The following FGF5 variants were observed in gnomAD, a reference collection of about 807,000 sequenced individuals.
FGF5 encodes the protein fibroblast growth factor 5.
A neutral mutation model predicts 21.8 loss-of-function variants in FGF5; 23 were observed. That is an observed-to-expected ratio of 1.05 (90% CI 0.76 to 1.49). The LOEUF is 1.49. Ranked by LOEUF, FGF5 falls within the 40% of genes most tolerant of loss-of-function variation. The pLI is 0.00. For missense variants in FGF5, 352 were observed against 332.9 expected (o/e 1.06, Z -0.45); for synonymous variants, 158 against 124.0 (o/e 1.27, Z -1.82).
intron 1 of FGF5, among the ~76,000 whole-genome samples, chr4:80,270,762 T>C (rs1720248895): frequency 6.6e-6 from 1 of 152,230 alleles, no homozygotes; most frequent in Admixed American, 6.5e-5. Flanking sequence ...AGTTTAAGGC[T>C]TTGTCAAAGC....
At position 80,290,312 on chromosome 4, in the gene FGF5, C is replaced by T. The variant is rs1300279419; in HGVS notation, c.*3640C>T. ...AATTTTTTAAAAGTTTTGAAGGAAACCTCTGGATAAATGGACAAGGCCTAA... is the reference window on the plus strand; with the variant it reads ...AATTTTTTAAAAGTTTTGAAGGAAATCTCTGGATAAATGGACAAGGCCTAA... On this transcript the variant is annotated 3_prime_UTR_variant, in exon 3 of 3. Coordinates refer to ENST00000312465, the MANE Select transcript of FGF5 (RefSeq NM_004464.4). The T allele has an allele frequency of 6.6e-6, 1 of 151,964 alleles. No homozygotes were observed. The highest frequency in any genetic ancestry group is 2.4e-5 in the African/African-American group (1 of 41,370). The allele number at this position is 151,964 out of a possible 1,614,324, so 9.4% of individuals were successfully genotyped here. A position where few individuals can be genotyped will look rare whatever the true frequency, so the allele number is the denominator to read the frequency against.
chr4:80,267,524 T>C (rs1222282044), intron 1 of FGF5, among the ~76,000 whole-genome samples: 1 of 152,170 alleles, frequency 6.6e-6, no homozygotes, highest in Non-Finnish European at 1.5e-5. Flanking sequence ...CTCAATTTGT[T>C]TACCTTCTGC....
chr4:80,267,126 T>C lies in FGF5; in HGVS notation c.302T>C (p.Leu101Pro), dbSNP rs1361221330. The C allele has an allele frequency of 1.2e-6, 2 of 1,613,482 alleles. No individual in the cohort carries two copies. Among genetic ancestry groups the C allele is most frequent in the Non-Finnish European group, 1.7e-6 (2 of 1,179,806 alleles). Reference protein sequence around the residue: ...LYCRVGIGFHLQIYPDGKVNG... With the variant: ...LYCRVGIGFHPQIYPDGKVNG... ...TGCAGAGTGGGCATCGGTTTCCATC[T>C]GCAGATCTACCCGGATGGCAAAGTC... is the stretch of plus-strand genomic sequence containing the variant. Residue 101 changes from leucine (L) to proline (P), a missense_variant, in exon 1 of 3, where the codon CTG (leucine) becomes CCG (proline). By Grantham distance (98) the Leu-to-Pro change is moderately conservative (BLOSUM62 -3). Coordinates refer to ENST00000312465, the MANE Select transcript of FGF5 (RefSeq NM_004464.4).
chr4:80,278,410 C>T (rs1282397782), intron 2 of FGF5, among the ~76,000 whole-genome samples: 1 of 152,022 alleles, frequency 6.6e-6, no homozygotes, highest in Admixed American at 6.6e-5. Flanking sequence ...CAGTACTTTA[C>T]TTTAGAATCT....
chr4:80,274,438 TA>T (rs1292235254), intron 1 of FGF5, among the ~76,000 whole-genome samples: 1 of 151,940 alleles, frequency 6.6e-6, no homozygotes, highest in African/African-American at 2.4e-5. Flanking sequence ...ATAATTAGAG[TA>T]GAGGAATTTA....
intron 2 of FGF5, among the ~76,000 whole-genome samples, chr4:80,285,660 T>C (rs1445711782): frequency 6.6e-6 from 1 of 152,224 alleles, no homozygotes; most frequent in Non-Finnish European, 1.5e-5. Flanking sequence ...TTTGTGTGTG[T>C]GTAAGATCTG....
chr4:80,268,450 G>A (rs528469729), intron 1 of FGF5: 88 of 985,002 alleles, frequency 8.9e-5, no homozygotes, highest in Non-Finnish European at 1.0e-4. Context: ...TCAGACCAAA[G>A]ACTCCACGGG....
At position 80,290,535 on chromosome 4, in the gene FGF5, T is replaced by C. The variant is rs1435664694; in HGVS notation, c.*3863T>C. 2 of 152,088 alleles carry C rather than the reference T, an allele frequency of 1.3e-5. No homozygotes were observed. Among genetic ancestry groups the C allele is most frequent in the African/African-American group, 4.8e-5 (2 of 41,428 alleles). The allele number at this position is 152,088 out of a possible 1,614,324, so 9.4% of individuals were successfully genotyped here. On this transcript the variant is annotated 3_prime_UTR_variant, in exon 3 of 3. Coordinates refer to ENST00000312465, the MANE Select transcript of FGF5 (RefSeq NM_004464.4). ...GCATCTTTACATCTAAGAATTTTTT[T>C]TTAAATTTTATTATTATTATACTTC...
intron 1 of FGF5, chr4:80,268,596 C>A (rs1720180881): frequency 1.1e-6 from 1 of 887,124 alleles, no homozygotes; most frequent in African/African-American, 1.8e-5. Context: ...CTAGCCTCCT[C>A]CGGTGGGTTA....
chr4:80,273,616 T>C (rs1490845610), intron 1 of FGF5, among the ~76,000 whole-genome samples: 1 of 152,180 alleles, frequency 6.6e-6, no homozygotes, highest in African/African-American at 2.4e-5. Flanking sequence ...ATATCCTAAT[T>C]AGTATATATG....
intron 2 of FGF5, among the ~76,000 whole-genome samples, chr4:80,276,147 G>T (rs978767861): frequency 2.0e-5 from 3 of 151,918 alleles, no homozygotes; most frequent in African/African-American, 7.2e-5. Flanking sequence ...GTTATTTGAG[G>T]ATTCGATGAG....
rs564781584 is a variant in FGF5, at chr4:80,274,016, C to T, written c.356-893C>T. ...CTAATAAAACACATTATGCTCTTTT[C>T]ATGTTCATATAAAATACATAAATTT... On this transcript the variant is annotated intron_variant, in intron 1 of 2. Transcript: ENST00000312465. Among the ~76,000 whole-genome samples the T allele has an allele frequency of 1.2e-4, 18 of 152,160 alleles. No individual in the cohort carries two copies. In the South Asian group the frequency reaches 3.7e-3, roughly 32 times the overall value.
intron 2 of FGF5, 116 bp downstream of exon 2, chr4:80,275,128 A>C (rs1035079751): frequency 6.2e-5 from 30 of 486,368 alleles, no homozygotes; most frequent in Non-Finnish European, 8.4e-5. Flanking sequence ...TTAACTTTTA[A>C]AAAGTATTTT....
In FGF5 at chr4:80,290,169, G is replaced by C. The variant is rs1243301550; in HGVS notation, c.*3497G>C. On this transcript the variant is annotated 3_prime_UTR_variant, in exon 3 of 3. Transcript: ENST00000312465. Reference sequence around the variant, plus strand: ...GCTCATTAAAAAAAGTAGTATTGCAGACATTGCTGCAATGGGAAGCAGACA... The same window carrying C: ...GCTCATTAAAAAAAGTAGTATTGCACACATTGCTGCAATGGGAAGCAGACA... The C allele has an allele frequency of 6.6e-6, 1 of 151,960 alleles. No homozygotes were observed. Among genetic ancestry groups the C allele is most frequent in the Admixed American group, 6.6e-5 (1 of 15,244 alleles). The allele number at this position is 151,960 out of a possible 1,614,324, so 9.4% of individuals were successfully genotyped here. A position where few individuals can be genotyped will look rare whatever the true frequency, so the allele number is the denominator to read the frequency against.
rs1720782663 is a variant in FGF5, at chr4:80,287,920, T to A, written c.*1248T>A. Reference sequence around the variant, plus strand: ...TGGCCTTTTGATAGAGGTAACTTAATTTGGGAATTTGTTGTGTTGAAATGG... The same window carrying A: ...TGGCCTTTTGATAGAGGTAACTTAAATTGGGAATTTGTTGTGTTGAAATGG... On this transcript the variant is annotated 3_prime_UTR_variant, in exon 3 of 3. Transcript: ENST00000312465. 1 of 152,182 alleles carries A rather than the reference T, an allele frequency of 6.6e-6. No individual in the cohort carries two copies. Among genetic ancestry groups the A allele is most frequent in the Admixed American group, 6.6e-5 (1 of 15,266 alleles). 9.4% of individuals were successfully genotyped at this position (152,182 alleles called of 1,614,324 possible).
chr4:80,281,876 T>C (rs1346499358), intron 2 of FGF5, among the ~76,000 whole-genome samples: 2 of 152,208 alleles, frequency 1.3e-5, no homozygotes, highest in African/African-American at 4.8e-5. Context: ...TGAATTCAAT[T>C]TGACCGTTCA....
intron 1 of FGF5, among the ~76,000 whole-genome samples, chr4:80,267,424 C>T: frequency 6.6e-6 from 1 of 152,168 alleles, no homozygotes. Flanking sequence ...AGGCTGGTGC[C>T]CAGACGGGTA....
rs770626546 is a variant in FGF5 at position 80,286,555 on chromosome 4, G to A, written c.690G>A (p.Thr230=). The A allele has an allele frequency of 1.9e-5, 30 of 1,613,858 alleles. No individual in the cohort carries two copies. The highest frequency in any genetic ancestry group is 2.7e-5 in the African/African-American group (2 of 74,886). ...CGGAGCAGCCAGAACTTTCTTTCAC[G>A]GTTACTGTTCCTGAAAAGAAAAAGC... ...KQSEQPELSF[T]VTVPEKKKPP... The change falls in exon 3 of 3, where the codon ACG becomes ACA. Residue 230 remains threonine, a synonymous_variant. Coordinates refer to ENST00000312465, the MANE Select transcript of FGF5 (RefSeq NM_004464.4).
chr4:80,268,498 T>C, intron 1 of FGF5: 13 of 986,030 alleles, frequency 1.3e-5, no homozygotes, highest in Non-Finnish European at 1.6e-5. Flanking sequence ...CAGAGGAGCG[T>C]GGACACCACC....
Sources: gnomAD v4.1 joint callset for allele counts (sites outside exome capture counted in the v4.1 genomes callset) on GRCh38, gnomAD v4.1.1 for gene constraint, MANE v1.5 for transcripts, NCBI Gene and HGNC (gene_info 2026-07-23, HGNC 2026-07-21) for gene names.